Variants in SLC14A2 observed in about 807,000 individuals in gnomAD.
SLC14A2 encodes solute carrier family 14 member 2, also known as urea transporter 2.
In SLC14A2, 91 loss-of-function variants were observed where a neutral mutation model predicts 104.6. The ratio of observed to expected loss-of-function variants is 0.87; its 90% CI spans 0.73 to 1.04. The LOEUF is 1.04. Among genes scored for constraint, SLC14A2 ranks in the 50% least tolerant of loss-of-function variants. The pLI, the probability that SLC14A2 is intolerant of heterozygous loss-of-function variation, is 0.00. For synonymous variants in SLC14A2, 476 were observed against 466.4 expected, an observed-to-expected ratio of 1.02 and a Z score of -0.27; for missense variants, 1,189 against 1,156.0, an observed-to-expected ratio of 1.03 and a Z score of -0.41.
At chr18:45,508,583 G>A (rs2254949) in intron 2 of SLC14A2, among the ~76,000 whole-genome samples, 151,124 of 152,330 alleles carry the variant, frequency 0.99, 74,977 homozygotes, top group Middle Eastern at 1. Context: ...TGTCTTTATC[G>A]TCAGTGTGAA....
the SLC14A2 span, among the ~76,000 whole-genome samples, chr18:45,185,567 C>G: frequency 6.6e-6 from 1 of 152,166 alleles, no homozygotes; most frequent in African/African-American, 2.4e-5. Context: ...AGAATGTTAT[C>G]TCTCTAAAGT....
intron 1 of SLC14A2, among the ~76,000 whole-genome samples, chr18:45,448,960 T>G (rs984768076): frequency 1.3e-5 from 2 of 152,188 alleles, no homozygotes; most frequent in African/African-American, 2.4e-5. Context: ...CAGTCCAGGA[T>G]CACTGACCGG....
At chr18:45,442,125 C>A (rs2086691094) in intron 1 of SLC14A2, among the ~76,000 whole-genome samples, 1 of 152,120 alleles carries the variant, frequency 6.6e-6, no homozygotes, top group African/African-American at 2.4e-5. Flanking sequence ...CATGCAGATC[C>A]AAGTTTGAAT....
At chr18:45,586,483 G>A (rs1320989138) in intron 2 of SLC14A2, among the ~76,000 whole-genome samples, 1 of 152,230 alleles carries the variant, frequency 6.6e-6, no homozygotes, top group African/African-American at 2.4e-5. Flanking sequence ...GAGCAGGGAA[G>A]TGCCATGATT....
At chr18:45,604,479 C>T (rs376006953) in intron 2 of SLC14A2, among the ~76,000 whole-genome samples, 2 of 152,106 alleles carry the variant, frequency 1.3e-5, no homozygotes, top group Non-Finnish European at 2.9e-5. Context: ...GAAAATATAG[C>T]GCAGAGAAAC....
At chr18:45,447,293 C>G (rs2086786327) in intron 1 of SLC14A2, 1 of 152,224 alleles carries the variant, frequency 6.6e-6, no homozygotes, top group Admixed American at 6.5e-5. Context: ...AAGGACACCA[C>G]TCTGTGTGGA....
rs567206427 is a variant in SLC14A2, at chr18:45,624,876, A to G, written c.150+62A>G. 1.8e-4 allele frequency: 268 copies of G among 1,513,228 alleles called. 1 individual carries two copies. In the South Asian group the frequency reaches 2.7e-3, roughly 15 times the overall value. 93.7% of individuals were successfully genotyped at this position (1,513,228 alleles called of 1,614,324 possible). A position where few individuals can be genotyped will look rare whatever the true frequency, so the allele number is the denominator to read the frequency against. ...GAGGGGATGGGAAAAGTGGGGGCAAAAGATGCCGCTTTCCCACCTTCCCAG... is the reference window on the plus strand; with the variant it reads ...GAGGGGATGGGAAAAGTGGGGGCAAGAGATGCCGCTTTCCCACCTTCCCAG... On this transcript the variant is annotated intron_variant, in intron 2 of 19. Coordinates refer to ENST00000255226, the MANE Select transcript of SLC14A2 (RefSeq NM_007163.4).
intron 2 of SLC14A2, among the ~76,000 whole-genome samples, chr18:45,523,900 TGAA>T (rs1046658393): frequency 6.6e-6 from 1 of 152,230 alleles, no homozygotes; most frequent in East Asian, 1.9e-4. Flanking sequence ...ATCTGTCCTT[TGAA>T]GAAGATTTTG....
chr18:45,677,710 A>G (rs974570198), intron 18 of SLC14A2, among the ~76,000 whole-genome samples: 1 of 152,224 alleles, frequency 6.6e-6, no homozygotes, highest in East Asian at 1.9e-4. Flanking sequence ...ATGGGCTCCT[A>G]TTCGCTCTCA....
In SLC14A2 at chr18:45,534,251, CT is replaced by C. The variant is rs201015576; in HGVS notation, c.-35+50931del. On this transcript the variant is annotated intron_variant, in intron 2 of 20. Transcript: ENST00000586448. The stretch of plus-strand genomic sequence containing the variant: ...CACTGCAGAGCATTTCCTTACAAGC[CT>C]TCACTGAGGTTGGAGGGATGATTCT... Among the ~76,000 whole-genome samples, 1,192 of 152,222 alleles carry C rather than the reference CT, an allele frequency of 7.8e-3. 12 individuals carry two copies. The highest frequency in any genetic ancestry group is 0.028 in the African/African-American group (1,142 of 41,526).
intron 10 of SLC14A2, among the ~76,000 whole-genome samples, chr18:45,657,346 G>C (rs2045853314): frequency 6.6e-6 from 1 of 151,788 alleles, no homozygotes; most frequent in Non-Finnish European, 1.5e-5. Context: ...AATTAGCTAG[G>C]AGTGGTGGCA....
At chr18:45,330,130 G>T (rs994296688) in intron 1 of SLC14A2, among the ~76,000 whole-genome samples, 9 of 152,168 alleles carry the variant, frequency 5.9e-5, no homozygotes, top group Non-Finnish European at 1.3e-4. Context: ...CTGCTTGGTT[G>T]ATGAGTCTTT....
chr18:45,293,808 C>T (rs1240907267), intron 1 of SLC14A2, among the ~76,000 whole-genome samples: 2 of 152,172 alleles, frequency 1.3e-5, no homozygotes, highest in African/African-American at 4.8e-5. Flanking sequence ...AACTCCTCTG[C>T]AGAAGACAAC....
At chr18:45,626,598 A>AC (rs1233382163) in intron 3 of SLC14A2, among the ~76,000 whole-genome samples, 9 of 132,274 alleles carry the variant, frequency 6.8e-5, no homozygotes, top group African/African-American at 2.0e-4. Context: ...TCCTGCCCCC[A>AC]CCCCCCCACC....
intron 1 of SLC14A2, among the ~76,000 whole-genome samples, chr18:45,338,357 C>T (rs2085357178): frequency 6.6e-6 from 1 of 152,020 alleles, no homozygotes; most frequent in African/African-American, 2.4e-5. Flanking sequence ...CTTGCCACCA[C>T]ACCTGGCTAA....
At chr18:45,623,471 G>A (rs890016632) in intron 1 of SLC14A2, among the ~76,000 whole-genome samples, 1 of 152,194 alleles carries the variant, frequency 6.6e-6, no homozygotes, top group African/African-American at 2.4e-5. Context: ...CAGTTGGAGA[G>A]GATGGTATGG....
intron 1 of SLC14A2, among the ~76,000 whole-genome samples, chr18:45,294,026 G>T (rs891887569): frequency 6.6e-6 from 1 of 152,096 alleles, no homozygotes; most frequent in Non-Finnish European, 1.5e-5. Flanking sequence ...AAGAGTTCAC[G>T]GTATCCATCA....
intron 1 of SLC14A2, among the ~76,000 whole-genome samples, chr18:45,407,682 T>TA (rs1259436064): frequency 6.6e-6 from 1 of 152,188 alleles, no homozygotes; most frequent in African/African-American, 2.4e-5. Flanking sequence ...CTTGAATACT[T>TA]AGAGGCCATT....
chr18:45,189,292 G>A, the SLC14A2 span, among the ~76,000 whole-genome samples: 2 of 152,062 alleles, frequency 1.3e-5, no homozygotes, highest in Non-Finnish European at 2.9e-5. Flanking sequence ...AATTTTCTTG[G>A]GGTCATGTTA....
Sources: allele counts gnomAD v4.1 joint callset (sites outside exome capture counted in the v4.1 genomes callset), GRCh38; gene constraint gnomAD v4.1.1; transcripts MANE v1.5; gene names NCBI Gene and HGNC (gene_info 2026-07-23, HGNC 2026-07-21).